The following ASXL3 variants were observed in gnomAD, a reference collection of about 807,000 sequenced individuals.
ASXL3 encodes ASXL transcriptional regulator 3.
ASXL3 carries 34 observed loss-of-function variants against 170.6 expected under a neutral mutation model. The ratio of observed to expected loss-of-function variants is 0.20; its 90% CI spans 0.15 to 0.27. The LOEUF (loss-of-function observed/expected upper bound fraction) is 0.27. ASXL3 is among the 10% of genes least tolerant of loss of function. The probability of loss-of-function intolerance (pLI) is 1.00; values close to 1 mark genes in which losing one functional copy is unlikely to be tolerated. For missense variants in ASXL3, 2,592 were observed against 2,695.3 expected, an observed-to-expected ratio of 0.96 and a Z score of 0.85; for synonymous variants, 1,002 against 989.1, an observed-to-expected ratio of 1.01 and a Z score of -0.24.
intron 2 of ASXL3, among the ~76,000 whole-genome samples, chr18:33,616,519 A>G (rs2065424706): frequency 6.6e-6 from 1 of 152,108 alleles, no homozygotes; most frequent in African/African-American, 2.4e-5. Flanking sequence ...AATACTTTTT[A>G]TACAGAATGC....
At chr18:33,600,497 G>GT (rs61556150) in intron 1 of ASXL3, among the ~76,000 whole-genome samples, 17,744 of 152,014 alleles carry the variant, frequency 0.12, 1,360 homozygotes, top group African/African-American at 0.21. Context: ...AGATTTCTCT[G>GT]TTTTTTGTTA....
In ASXL3 at chr18:33,743,064, A is replaced by G. The variant is rs769685194; in HGVS notation, c.3216A>G (p.Ala1072=). The G allele has an allele frequency of 2.5e-6, 4 of 1,613,264 alleles. No individual in the cohort carries two copies. Among genetic ancestry groups the G allele is most frequent in the Non-Finnish European group, 3.4e-6 (4 of 1,179,760 alleles). The stretch of plus-strand genomic sequence containing the variant: ...CTCGGGCCCAGCGAGAGGCTGCTGC[A>G]GCTGCTGCTGTGGCTGCTGCAGCGA... ...QQARAQREAA[A]AAAVAAAASI... is the part of the protein sequence containing the mutation. Residue 1072 remains alanine, a synonymous_variant, in exon 12 of 12, where the codon GCA becomes GCG. Coordinates refer to ENST00000269197, the MANE Select transcript of ASXL3 (RefSeq NM_030632.3).
intron 1 of ASXL3, among the ~76,000 whole-genome samples, chr18:33,595,908 A>C (rs1321472628): frequency 6.6e-6 from 1 of 152,230 alleles, no homozygotes; most frequent in Non-Finnish European, 1.5e-5. Context: ...GGGATATGTC[A>C]GCTTCAGGAA....
chr18:33,661,765 C>T (rs781305303), intron 5 of ASXL3, 28 bp downstream of exon 5: 1 of 1,606,094 alleles, frequency 6.2e-7, no homozygotes, highest in Non-Finnish European at 8.5e-7. Context: ...TATTCTTTGT[C>T]CTTCAGTTCT....
chr18:33,718,296 T>C (rs75989573), intron 8 of ASXL3, among the ~76,000 whole-genome samples: 1 of 152,228 alleles, frequency 6.6e-6, no homozygotes, highest in Non-Finnish European at 1.5e-5. Context: ...CACTCAAACA[T>C]ACCCAGCTCA....
chr18:33,647,970 A>G lies in ASXL3; in HGVS notation c.355+1617A>G, dbSNP rs573777396. Among the ~76,000 whole-genome samples the G allele has an allele frequency of 3.6e-4, 55 of 152,180 alleles. No homozygotes were observed. In the South Asian group the frequency reaches 0.01, roughly 28 times the overall value. On this transcript the variant is annotated intron_variant, in intron 4 of 11. Coordinates refer to ENST00000269197, the MANE Select transcript of ASXL3 (RefSeq NM_030632.3). ...TAGAGGGAACAGCAGTTACAAAGGCATTGAGGCAGGAGAGTGCCTGGAATA... is the reference window on the plus strand; with the variant it reads ...TAGAGGGAACAGCAGTTACAAAGGCGTTGAGGCAGGAGAGTGCCTGGAATA...
At chr18:33,680,646 G>A (rs1419736980) in intron 7 of ASXL3, among the ~76,000 whole-genome samples, 1 of 151,932 alleles carries the variant, frequency 6.6e-6, no homozygotes, top group Non-Finnish European at 1.5e-5. Flanking sequence ...ATGAATGTAG[G>A]TTCAAGGTCA....
chr18:33,653,626 G>A (rs2066035433), intron 4 of ASXL3, among the ~76,000 whole-genome samples: 1 of 151,960 alleles, frequency 6.6e-6, no homozygotes, highest in Non-Finnish European at 1.5e-5. Flanking sequence ...AGATTATACA[G>A]TTCACAAGAA....
At chr18:33,619,781 G>A (rs2065481153) in intron 2 of ASXL3, among the ~76,000 whole-genome samples, 1 of 152,088 alleles carries the variant, frequency 6.6e-6, no homozygotes, top group Non-Finnish European at 1.5e-5. Flanking sequence ...AATCCAAAAG[G>A]TAATTTTAGA....
intron 1 of ASXL3, among the ~76,000 whole-genome samples, chr18:33,582,194 A>G (rs528104533): frequency 3.3e-5 from 5 of 152,314 alleles, no homozygotes; most frequent in South Asian, 2.1e-4. Flanking sequence ...AATCAAAACC[A>G]TAACTCATGT....
At chr18:33,731,899 T>G (rs887413362) in intron 8 of ASXL3, 69 bp from the exon 9 acceptor site, 33 of 1,345,072 alleles carry the variant, frequency 2.5e-5, no homozygotes, top group Non-Finnish European at 3.3e-5. Context: ...AATTTTTGCT[T>G]CTTTCCTGCA....
At chr18:33,623,532 T>C (rs2065551149) in intron 2 of ASXL3, among the ~76,000 whole-genome samples, 1 of 152,124 alleles carries the variant, frequency 6.6e-6, no homozygotes, top group South Asian at 2.1e-4. Context: ...TGCAAAAACT[T>C]GAAAAATGTT....
At chr18:33,724,780 C>A (rs1402752048) in intron 8 of ASXL3, among the ~76,000 whole-genome samples, 3 of 152,010 alleles carry the variant, frequency 2.0e-5, no homozygotes, top group Admixed American at 2.0e-4. Flanking sequence ...TATTAAAATA[C>A]CTATTTTGCA....
intron 5 of ASXL3, among the ~76,000 whole-genome samples, chr18:33,662,404 A>G (rs1230723868): frequency 1.3e-5 from 2 of 152,180 alleles, no homozygotes; most frequent in Non-Finnish European, 2.9e-5. Flanking sequence ...TAAATTCATT[A>G]TCTAGAAAAT....
rs1344380509 is a variant in ASXL3, at chr18:33,749,293, A to G, written c.*2698A>G. On this transcript the variant is annotated 3_prime_UTR_variant, in exon 12 of 12. Transcript: ENST00000269197. The stretch of plus-strand genomic sequence containing the variant: ...GTAGGTTCTTAGTTTTCTGATTTCT[A>G]CATGTGTCTGCTATGTGCAAATGTA... The G allele has an allele frequency of 6.6e-6, 1 of 152,180 alleles. No homozygotes were observed. The highest frequency in any genetic ancestry group is 2.4e-5 in the African/African-American group (1 of 41,422). The allele number at this position is 152,180 out of a possible 1,614,324, so 9.4% of individuals were successfully genotyped here. A position where few individuals can be genotyped will look rare whatever the true frequency, so the allele number is the denominator to read the frequency against.
At chr18:33,579,360 CG>C (rs1218613824) in intron 1 of ASXL3, among the ~76,000 whole-genome samples, 1 of 151,956 alleles carries the variant, frequency 6.6e-6, no homozygotes, top group Non-Finnish European at 1.5e-5. Context: ...GAGTGTGTTT[CG>C]GGTGTGTGTG....
rs187971481 is a variant in ASXL3 at position 33,588,551 on chromosome 18, C to T, written c.54+9866C>T. On this transcript the variant is annotated intron_variant, in intron 1 of 11. Coordinates refer to ENST00000269197, the MANE Select transcript of ASXL3 (RefSeq NM_030632.3). ...TCAGTAATAGTCACCACCATGACTC[C>T]ATGCTTATTGCATGAGACACTGCCA... 4.6e-3 allele frequency among the ~76,000 whole-genome samples: 693 copies of T among 152,088 alleles called. 9 individuals are homozygous for T. Among genetic ancestry groups the T allele is most frequent in the Middle Eastern group, 0.024 (7 of 292 alleles).
chr18:33,610,094 C>G (rs2065311083), intron 2 of ASXL3, among the ~76,000 whole-genome samples: 1 of 151,980 alleles, frequency 6.6e-6, no homozygotes, highest in African/African-American at 2.4e-5. Context: ...TTTCAAGGAG[C>G]AGATACTGAC....
At position 33,740,232 on chromosome 18, in the gene ASXL3, C is replaced by T. The variant is rs778099194; in HGVS notation, c.2828C>T (p.Ser943Leu). The change falls in exon 11 of 12, where the codon TCA (serine) becomes TTA (leucine). Residue 943 changes from serine to leucine, a missense_variant. Coordinates refer to ENST00000269197, the MANE Select transcript of ASXL3 (RefSeq NM_030632.3). ...RLETSHTSKS[S>L]EPSKSPDGIR... ...GAAACCTCACATACTTCCAAGTCAT[C>T]AGAGCCCTCCAAGTCACCTGATGGG... 7 of 1,613,584 alleles carry T rather than the reference C, an allele frequency of 4.3e-6. No individual in the cohort carries two copies. The highest frequency in any genetic ancestry group is 2.2e-5 in the South Asian group (2 of 91,046).
Sources: allele counts gnomAD v4.1 joint callset (sites outside exome capture counted in the v4.1 genomes callset), GRCh38; gene constraint gnomAD v4.1.1; transcripts MANE v1.5; gene names NCBI Gene and HGNC (gene_info 2026-07-23, HGNC 2026-07-21).